Variants in TENM1 observed in about 807,000 individuals in gnomAD.
The protein encoded by TENM1 is teneurin-1.
Under a neutral mutation model 174.8 loss-of-function variants are expected in TENM1, and 35 were observed. The ratio of observed to expected loss-of-function variants is 0.20; its 90% CI spans 0.15 to 0.27. TENM1 has a LOEUF of 0.27. Ranked by LOEUF, TENM1 falls within the 10% of genes least tolerant of loss-of-function variation. The probability of loss-of-function intolerance (pLI) is 1.00; values close to 1 mark genes in which losing one functional copy is unlikely to be tolerated. For synonymous variants in TENM1, 781 were observed against 798.7 expected (o/e 0.98, Z 0.37); for missense variants, 1,633 against 2,130.1 (o/e 0.77, Z 4.59).
the TENM1 span, among the ~76,000 whole-genome samples, chrX:125,027,699 C>T: frequency 3.4e-3 from 365 of 106,247 alleles, 3 homozygotes; most frequent in Admixed American, 5.0e-3. Context: ...CTGCAACCTC[C>T]GCTTCCCGGG....
At chrX:124,751,581 G>A (rs1219571991) in intron 3 of TENM1, among the ~76,000 whole-genome samples, 2 of 108,036 alleles carry the variant, frequency 1.9e-5, no homozygotes, top group Admixed American at 9.9e-5. Context: ...ATGCTGGTGC[G>A]CTGCACCCAC....
chrX:125,102,367 G>A, the TENM1 span, among the ~76,000 whole-genome samples: 1 of 99,889 alleles, frequency 1.0e-5, no homozygotes, highest in Admixed American at 1.1e-4. Context: ...GTCAGAGTGA[G>A]GATTTGGCTG....
intron 1 of TENM1, among the ~76,000 whole-genome samples, chrX:124,956,167 C>T (rs778736802): frequency 2.0e-4 from 22 of 111,874 alleles, no homozygotes; most frequent in Non-Finnish European, 3.8e-4. Flanking sequence ...ATGGTTCTAG[C>T]TTCTAGACCC....
exon 9 of TENM1, chrX:124,646,804 A>G: frequency 1.7e-6 from 2 of 1,160,892 alleles, no homozygotes; most frequent in Non-Finnish European, 2.3e-6. Flanking sequence ...ACAGTCATCC[A>G]TTATTTCTAG....
chrX:124,934,606 G>A (rs925405419), intron 1 of TENM1, among the ~76,000 whole-genome samples: 1 of 111,785 alleles, frequency 8.9e-6, no homozygotes, highest in Admixed American at 9.6e-5. Context: ...GCATTTCTTA[G>A]CGTGTTAGAA....
At chrX:124,750,528 C>T (rs1242620037) in intron 3 of TENM1, among the ~76,000 whole-genome samples, 2 of 111,497 alleles carry the variant, frequency 1.8e-5, no homozygotes, top group Non-Finnish European at 3.8e-5. Context: ...ATTTTACATT[C>T]TTGTTCACAT....
At chrX:124,487,361 G>A in intron 20 of TENM1, 132 bp from the exon 24 acceptor site, 1 of 561,826 alleles carries the variant, frequency 1.8e-6, no homozygotes, top group African/African-American at 2.3e-5. Flanking sequence ...AGACTCTATG[G>A]GGATCATTTA....
exon 32 of TENM1, chrX:124,380,872 C>T (rs2060149468): frequency 1.7e-6 from 2 of 1,211,648 alleles, no homozygotes; most frequent in Non-Finnish European, 2.2e-6. Flanking sequence ...GTCTAGTCCT[C>T]CCATTCAACA....
intron 1 of TENM1, 140 bp downstream of exon 4, chrX:124,963,397 T>C: frequency 1.9e-6 from 1 of 519,073 alleles, no homozygotes; most frequent in Non-Finnish European, 3.1e-6. Context: ...ACATATGCAA[T>C]AGATTCTCTG....
chrX:124,915,254 G>A (rs957373560), intron 1 of TENM1, among the ~76,000 whole-genome samples: 5 of 112,274 alleles, frequency 4.5e-5, no homozygotes, highest in African/African-American at 1.6e-4. Context: ...GCTGGATGTG[G>A]TGGCTCACGC....
At chrX:125,148,086 T>C in the TENM1 span, among the ~76,000 whole-genome samples, 1 of 111,530 alleles carries the variant, frequency 9.0e-6, no homozygotes, top group African/African-American at 3.3e-5. Flanking sequence ...CAAGAATCTT[T>C]CTCACCTGTG....
At chrX:124,715,385 G>C (rs1427271708) in intron 4 of TENM1, among the ~76,000 whole-genome samples, 1 of 106,088 alleles carries the variant, frequency 9.4e-6, no homozygotes, top group Non-Finnish European at 1.9e-5. Context: ...AATTTCCTAG[G>C]ACTTAAAAAA....
rs764088658 is a variant in TENM1 at position 124,528,676 on chromosome X, T to C, written c.2771+1188A>G. ...AAATGAAGTTTTATATATATATATATACACACACATATATATGTGCATATA... is the reference window on the plus strand; with the variant it reads ...AAATGAAGTTTTATATATATATATACACACACACATATATATGTGCATATA... On this transcript the variant is annotated intron_variant, in intron 16 of 31. Coordinates refer to ENST00000422452, the Ensembl canonical transcript of TENM1. Among the ~76,000 whole-genome samples the C allele has an allele frequency of 1.6e-3, 171 of 109,978 alleles. No homozygotes were observed. In the Middle Eastern group the frequency reaches 0.019, roughly 12 times the overall value.
At chrX:124,528,241 C>T (rs1322243617) in intron 16 of TENM1, among the ~76,000 whole-genome samples, 1 of 110,742 alleles carries the variant, frequency 9.0e-6, no homozygotes, top group Admixed American at 9.7e-5. Flanking sequence ...GGGCTTGGGG[C>T]ATTTCACTTA....
At chrX:124,420,412 T>A in exon 25 of TENM1, 1 of 1,212,140 alleles carries the variant, frequency 8.2e-7, no homozygotes, top group Non-Finnish European at 1.1e-6. Flanking sequence ...GGGCTGACAC[T>A]CTTTTCAGGA....
exon 32 of TENM1, chrX:124,378,663 G>T (rs1375403195): frequency 8.9e-6 from 1 of 112,101 alleles, no homozygotes. Flanking sequence ...TGTGTAAGTG[G>T]TATTCTAACC....
At chrX:124,513,742 T>C (rs1326770060) in intron 18 of TENM1, among the ~76,000 whole-genome samples, 1 of 111,993 alleles carries the variant, frequency 8.9e-6, no homozygotes, top group Admixed American at 9.5e-5. Context: ...ATCAGCTCAA[T>C]GGTTGTATAT....
chrX:124,577,238 G>A (rs765081087), intron 11 of TENM1, among the ~76,000 whole-genome samples: 4 of 111,346 alleles, frequency 3.6e-5, no homozygotes, highest in African/African-American at 6.5e-5. Context: ...GAATGCAGAA[G>A]GTGTGTTCAA....
At chrX:124,634,883 C>T (rs1311589384) in intron 11 of TENM1, among the ~76,000 whole-genome samples, 1 of 111,572 alleles carries the variant, frequency 9.0e-6, no homozygotes, top group Non-Finnish European at 1.9e-5. Context: ...AGATGCATAT[C>T]GTCATCCATT....
Sources: gnomAD v4.1 joint callset for allele counts (sites outside exome capture counted in the v4.1 genomes callset) on GRCh38, gnomAD v4.1.1 for gene constraint, MANE v1.5 for transcripts, NCBI Gene and HGNC (gene_info 2026-07-23, HGNC 2026-07-21) for gene names.